Variants in CSMD1 observed in about 807,000 individuals in gnomAD.
CSMD1 encodes CUB and Sushi multiple domains 1.
CSMD1 carries 213 observed loss-of-function variants against 417.5 expected under a neutral mutation model. The observed-to-expected ratio is 0.51, with a 90% CI of 0.46 to 0.57. The LOEUF is 0.57. Ranked by LOEUF, CSMD1 falls within the 20% of genes least tolerant of loss-of-function variation. CSMD1 has a pLI of 0.00. For synonymous variants in CSMD1, 2,862 were observed against 1,736.8 expected (o/e 1.65, Z -16.11); for missense variants, 6,923 against 4,529.7 (o/e 1.53, Z -15.17).
intron 3 of CSMD1, among the ~76,000 whole-genome samples, chr8:4,045,490 G>A (rs149872278): frequency 1.3e-5 from 2 of 152,212 alleles, no homozygotes; most frequent in African/African-American, 2.4e-5. Flanking sequence ...ACTGTCCCCA[G>A]TTGGGGGAAG....
At chr8:4,037,498 T>G (rs1797680996) in intron 3 of CSMD1, among the ~76,000 whole-genome samples, 1 of 152,210 alleles carries the variant, frequency 6.6e-6, no homozygotes, top group Non-Finnish European at 1.5e-5. Context: ...TTTCTTTACC[T>G]TAACATCTTG....
intron 10 of CSMD1, among the ~76,000 whole-genome samples, chr8:3,571,308 T>C (rs1248272123): frequency 6.6e-6 from 1 of 152,192 alleles, no homozygotes; most frequent in African/African-American, 2.4e-5. Context: ...GGATGGACAG[T>C]AGGCACCTTG....
intron 5 of CSMD1, among the ~76,000 whole-genome samples, chr8:3,914,300 T>A (rs890390761): frequency 1.3e-5 from 2 of 151,914 alleles, no homozygotes; most frequent in African/African-American, 4.8e-5. Context: ...AGGTAGCTCA[T>A]GGTTTTTAAG....
intron 10 of CSMD1, among the ~76,000 whole-genome samples, chr8:3,522,764 A>G (rs1000890348): frequency 2.0e-5 from 3 of 152,038 alleles, no homozygotes; most frequent in African/African-American, 7.2e-5. Flanking sequence ...GTGCTCTACC[A>G]CAATGCCCAG....
intron 46 of CSMD1, among the ~76,000 whole-genome samples, chr8:3,099,515 T>A (rs936678216): frequency 6.6e-6 from 1 of 152,216 alleles, no homozygotes; most frequent in Non-Finnish European, 1.5e-5. Flanking sequence ...GCGTTTCATT[T>A]TGTGGGATTA....
chr8:4,216,190 C>G (rs114921646), intron 3 of CSMD1, among the ~76,000 whole-genome samples: 2 of 152,242 alleles, frequency 1.3e-5, no homozygotes, highest in African/African-American at 2.4e-5. Flanking sequence ...GTGGCTTTGT[C>G]AACATTGCGA....
intron 49 of CSMD1, among the ~76,000 whole-genome samples, chr8:3,085,472 G>C (rs1814458838): frequency 1.3e-5 from 2 of 152,146 alleles, no homozygotes; most frequent in Admixed American, 1.3e-4. Context: ...AAAACATGGT[G>C]TGCATTCTAG....
chr8:3,343,278 G>T lies in CSMD1; in HGVS notation c.3631+16C>A, dbSNP rs901139011. 3 of 1,607,650 alleles carry T rather than the reference G, an allele frequency of 1.9e-6. No homozygotes were observed. The highest frequency in any genetic ancestry group is 1.7e-5 in the Admixed American group (1 of 59,726). On this transcript the variant is annotated intron_variant, in intron 23 of 69. Transcript: ENST00000635120. ...CAAAATGAAAAAAGAACGTGATTAA[G>T]TCGTATGTTACTTACTGGTATAGGT...
At chr8:3,817,393 G>A (rs1019509712) in intron 5 of CSMD1, among the ~76,000 whole-genome samples, 1 of 146,996 alleles carries the variant, frequency 6.8e-6, no homozygotes, top group Non-Finnish European at 1.5e-5. Context: ...TTATTCTTCT[G>A]CCTCAACCTC....
chr8:2,979,382 C>A (rs1297609377), intron 54 of CSMD1, among the ~76,000 whole-genome samples: 1 of 152,232 alleles, frequency 6.6e-6, no homozygotes, highest in Admixed American at 6.5e-5. Flanking sequence ...CGTGGTGAGG[C>A]AGTCTTCTGC....
At chr8:4,141,661 C>G (rs1190552640) in intron 3 of CSMD1, among the ~76,000 whole-genome samples, 2 of 150,260 alleles carry the variant, frequency 1.3e-5, no homozygotes, top group Non-Finnish European at 3.0e-5. Flanking sequence ...ATCTCCAGAT[C>G]TCTAAACTTC....
chr8:4,792,536 G>A lies in CSMD1; in HGVS notation c.86-154978C>T, dbSNP rs62484614. 9.7e-3 allele frequency among the ~76,000 whole-genome samples: 1,478 copies of A among 152,162 alleles called. 15 individuals carry two copies. Among genetic ancestry groups the A allele is most frequent in the Middle Eastern group, 0.017 (5 of 294 alleles). On this transcript the variant is annotated intron_variant, in intron 1 of 69. Transcript: ENST00000635120. ...TGCTGTCTGTGCTTTGGGTGATCAC[G>A]CACCCATTCAGCCATACACCACACT...
intron 5 of CSMD1, among the ~76,000 whole-genome samples, chr8:3,786,190 T>A (rs565830939): frequency 6.6e-6 from 1 of 152,134 alleles, no homozygotes; most frequent in African/African-American, 2.4e-5. Context: ...GGACATGAGA[T>A]CTCCCCTGTT....
At chr8:3,961,858 C>G (rs567232561) in intron 5 of CSMD1, among the ~76,000 whole-genome samples, 3 of 152,060 alleles carry the variant, frequency 2.0e-5, no homozygotes, top group Non-Finnish European at 4.4e-5. Flanking sequence ...AAGAGATGTC[C>G]CTTTAGTCCT....
At chr8:3,355,168 GA>G (rs149362213) in intron 21 of CSMD1, among the ~76,000 whole-genome samples, 3,255 of 151,854 alleles carry the variant, frequency 0.021, 111 homozygotes, top group African/African-American at 0.075. Flanking sequence ...TAATCAATAA[GA>G]GGATATATAT....
intron 26 of CSMD1, among the ~76,000 whole-genome samples, chr8:3,238,436 A>G (rs1799290827): frequency 6.6e-6 from 1 of 152,124 alleles, no homozygotes; most frequent in African/African-American, 2.4e-5. Flanking sequence ...TAAGAAAAAT[A>G]AAATGAAATA....
chr8:3,290,218 T>G (rs1344828357), intron 25 of CSMD1, among the ~76,000 whole-genome samples: 1 of 147,462 alleles, frequency 6.8e-6, no homozygotes, highest in African/African-American at 2.7e-5. Flanking sequence ...CATGCTGTTT[T>G]GGTTACTGTA....
intron 10 of CSMD1, among the ~76,000 whole-genome samples, chr8:3,538,285 T>G (rs939971087): frequency 6.6e-6 from 1 of 152,360 alleles, no homozygotes; most frequent in East Asian, 1.9e-4. Flanking sequence ...GTGGTGCACC[T>G]GATATGCTTC....
At chr8:3,043,073 G>A (rs1811215611) in intron 50 of CSMD1, among the ~76,000 whole-genome samples, 1 of 150,650 alleles carries the variant, frequency 6.6e-6, no homozygotes, top group Admixed American at 6.7e-5. Flanking sequence ...GTACTATAAT[G>A]CATATAGTAC....
Sources: gnomAD v4.1 joint callset for allele counts (sites outside exome capture counted in the v4.1 genomes callset) on GRCh38, gnomAD v4.1.1 for gene constraint, MANE v1.5 for transcripts, NCBI Gene and HGNC (gene_info 2026-07-23, HGNC 2026-07-21) for gene names.